Variants in PCDHGA3 observed in about 807,000 individuals in gnomAD.
The protein encoded by PCDHGA3 is protocadherin gamma subfamily A, 3.
A neutral mutation model predicts 58.5 loss-of-function variants in PCDHGA3; 40 were observed. The observed-to-expected ratio is 0.68, with a 90% CI of 0.53 to 0.89. The LOEUF (loss-of-function observed/expected upper bound fraction) is 0.89. Among genes scored for constraint, PCDHGA3 ranks in the 40% least tolerant of loss-of-function variants. The probability of loss-of-function intolerance (pLI) is 0.00; values close to 1 mark genes in which losing one functional copy is unlikely to be tolerated. For missense variants in PCDHGA3, 1,223 were observed against 1,195.9 expected, an observed-to-expected ratio of 1.02 and a Z score of -0.33; for synonymous variants, 530 against 525.7, an observed-to-expected ratio of 1.01 and a Z score of -0.11.
chr5:141,364,152 C>A (rs1763186679), intron 1 of PCDHGA3: 2 of 570,580 alleles, frequency 3.5e-6, no homozygotes, highest in Non-Finnish European at 5.5e-6. Flanking sequence ...AAAGAAGCTG[C>A]CGCAGAGGCG....
At chr5:141,427,857 G>A (rs746661329) in intron 1 of PCDHGA3, 36 of 1,554,574 alleles carry the variant, frequency 2.3e-5, no homozygotes, top group Non-Finnish European at 2.9e-5. Context: ...GCAGCTGTGC[G>A]CCTTCGAGCT....
intron 1 of PCDHGA3, chr5:141,383,931 T>G: frequency 6.2e-7 from 1 of 1,613,818 alleles, no homozygotes. Flanking sequence ...ATGATAATGC[T>G]CCAGAAGTGA....
At chr5:141,366,268 C>A in intron 1 of PCDHGA3, 4 of 1,613,720 alleles carry the variant, frequency 2.5e-6, no homozygotes, top group Non-Finnish European at 3.4e-6. Flanking sequence ...TGGTGGCCGT[C>A]GAAGACCATG....
chr5:141,353,819 G>T (rs149485600), intron 1 of PCDHGA3, among the ~76,000 whole-genome samples: 1 of 152,006 alleles, frequency 6.6e-6, no homozygotes, highest in Admixed American at 6.6e-5. Context: ...TCAATCATCC[G>T]CAGTTTGTGC....
intron 1 of PCDHGA3, chr5:141,408,016 A>G (rs991619128): frequency 9.9e-7 from 1 of 1,014,516 alleles, no homozygotes; most frequent in Admixed American, 3.2e-5. Flanking sequence ...TGCGCAGCCA[A>G]CAACAGAAAG....
At chr5:141,357,751 C>T (rs921267826) in intron 1 of PCDHGA3, 33 of 1,131,562 alleles carry the variant, frequency 2.9e-5, no homozygotes, top group Non-Finnish European at 3.9e-5. Flanking sequence ...TTAAAGAAAA[C>T]TGGTGGATGA....
At chr5:141,427,650 G>C (rs1352503291) in intron 1 of PCDHGA3, 1 of 718,312 alleles carries the variant, frequency 1.4e-6, no homozygotes. Flanking sequence ...AGTCTCCTAC[G>C]TGGTCCACGT....
intron 1 of PCDHGA3, chr5:141,427,017 TAC>T (rs764268354): frequency 2.2e-5 from 10 of 456,792 alleles, no homozygotes; most frequent in South Asian, 1.4e-4. Context: ...CCAGGATGTA[TAC>T]AAAGTCAGCC....
chr5:141,350,906 G>T, intron 1 of PCDHGA3: 1 of 1,613,976 alleles, frequency 6.2e-7, no homozygotes, highest in Admixed American at 1.7e-5. Flanking sequence ...GGATGGCGGG[G>T]ACCCGCCTCT....
intron 1 of PCDHGA3, chr5:141,400,212 C>A (rs773459521): frequency 6.2e-7 from 1 of 1,614,058 alleles, no homozygotes; most frequent in East Asian, 2.2e-5. Context: ...TGGCCTTGAT[C>A]TCAGTGCTCT....
chr5:141,504,379 G>A lies in PCDHGA3; in HGVS notation c.2484-1014G>A, dbSNP rs181617363. On this transcript the variant is annotated intron_variant, in intron 2 of 3. Transcript: ENST00000253812. ...GCTTCAGTAGGAAGCAGGTGGAGTC[G>A]CTGCCTCACAGAAGCCAGTGTGGTG... Among the ~76,000 whole-genome samples the A allele has an allele frequency of 2.4e-3, 361 of 152,206 alleles. 1 individual carries two copies. The highest frequency in any genetic ancestry group is 0.021 in the Admixed American group (315 of 15,286).
chr5:141,443,436 T>A (rs1435598893), intron 1 of PCDHGA3, among the ~76,000 whole-genome samples: 1 of 152,132 alleles, frequency 6.6e-6, no homozygotes, highest in Admixed American at 6.6e-5. Context: ...CAGTGAGCTG[T>A]GGTTGCGCTC....
At chr5:141,506,962 G>A (rs2099857578) in intron 3 of PCDHGA3, 1 of 152,196 alleles carries the variant, frequency 6.6e-6, no homozygotes, top group Non-Finnish European at 1.5e-5. Context: ...CCTCTCAATA[G>A]CTCTGCAAGG....
intron 1 of PCDHGA3, among the ~76,000 whole-genome samples, chr5:141,456,854 T>C (rs924765803): frequency 7.2e-5 from 11 of 151,950 alleles, no homozygotes; most frequent in Non-Finnish European, 1.3e-4. Context: ...TCCCAGCTAA[T>C]TGGGAGGCTG....
chr5:141,352,572 C>T (rs1243165903), intron 1 of PCDHGA3: 2 of 1,613,804 alleles, frequency 1.2e-6, no homozygotes, highest in African/African-American at 1.3e-5. Context: ...CCGGAAATGG[C>T]TCCCCCTCAG....
intron 1 of PCDHGA3, among the ~76,000 whole-genome samples, chr5:141,462,009 G>C (rs2099028674): frequency 6.6e-6 from 1 of 152,190 alleles, no homozygotes; most frequent in Non-Finnish European, 1.5e-5. Flanking sequence ...TTTTAATAGA[G>C]ACGGGGTTTC....
At chr5:141,357,721 T>C in intron 1 of PCDHGA3, 2 of 1,415,050 alleles carry the variant, frequency 1.4e-6, no homozygotes, top group Non-Finnish European at 1.9e-6. Flanking sequence ...TAAAGTTGCC[T>C]CTTTTAATAT....
chr5:141,404,641 G>C, intron 1 of PCDHGA3: 2 of 1,614,178 alleles, frequency 1.2e-6, no homozygotes, highest in Non-Finnish European at 1.7e-6. Context: ...CAGAAATCCT[G>C]TACCCTGCCC....
intron 1 of PCDHGA3, chr5:141,351,327 C>A: frequency 1.9e-6 from 3 of 1,613,716 alleles, no homozygotes; most frequent in Non-Finnish European, 2.5e-6. Flanking sequence ...CCAGAGGATT[C>A]AGACCTTGGA....
Sources: gnomAD v4.1 joint callset for allele counts (sites outside exome capture counted in the v4.1 genomes callset) on GRCh38, gnomAD v4.1.1 for gene constraint, MANE v1.5 for transcripts, NCBI Gene and HGNC (gene_info 2026-07-23, HGNC 2026-07-21) for gene names.